FBRSL1: variants seen among roughly 807,000 people sequenced by gnomAD.
FBRSL1 encodes fibrosin like 1.
FBRSL1 carries 51 observed loss-of-function variants against 89.6 expected under a neutral mutation model. The ratio of observed to expected loss-of-function variants is 0.57; its 90% CI spans 0.45 to 0.72. The LOEUF is 0.72. Among genes scored for constraint, FBRSL1 ranks in the 30% least tolerant of loss-of-function variants. The pLI, the probability that FBRSL1 is intolerant of heterozygous loss-of-function variation, is 0.00. For synonymous variants in FBRSL1, 779 were observed against 681.1 expected (o/e 1.14, Z -2.24); for missense variants, 1,618 against 1,451.8 (o/e 1.11, Z -1.86).
At chr12:132,500,409 C>T (rs1463835322) in intron 1 of FBRSL1, among the ~76,000 whole-genome samples, 1 of 152,156 alleles carries the variant, frequency 6.6e-6, no homozygotes, top group African/African-American at 2.4e-5. Context: ...AGGATCAGAA[C>T]TCAGGCAAGG....
In FBRSL1 at chr12:132,512,550, G is replaced by A. The variant is rs377493973; in HGVS notation, c.489+4200G>A. Reference sequence around the variant, plus strand: ...AGAGGGGCTGAAGTTGCCTTCAGACGTCCCTGTTGTCAGGCGTGGGGAACA... The same window carrying A: ...AGAGGGGCTGAAGTTGCCTTCAGACATCCCTGTTGTCAGGCGTGGGGAACA... On this transcript the variant is annotated intron_variant, in intron 2 of 18. Transcript: ENST00000680143. Among the ~76,000 whole-genome samples the A allele has an allele frequency of 5.3e-5, 8 of 152,356 alleles. No homozygotes were observed. In the East Asian group the frequency reaches 1.3e-3, roughly 26 times the overall value.
intron 2 of FBRSL1, chr12:132,511,890 G>A (rs912706166): frequency 1.5e-5 from 15 of 969,762 alleles, no homozygotes; most frequent in Non-Finnish European, 1.7e-5. Flanking sequence ...CATCCCAGAA[G>A]CGCAGGGCTT....
chr12:132,568,466 C>T (rs1173093559), intron 6 of FBRSL1, among the ~76,000 whole-genome samples: 1 of 152,380 alleles, frequency 6.6e-6, no homozygotes, highest in South Asian at 2.1e-4. Context: ...GGACGGGCCC[C>T]GGTAGGAGAG....
chr12:132,563,591 T>A (rs991197450), intron 5 of FBRSL1, among the ~76,000 whole-genome samples: 6 of 152,168 alleles, frequency 3.9e-5, no homozygotes, highest in African/African-American at 1.4e-4. Context: ...GTGTCACATC[T>A]TTTTGTTGGT....
chr12:132,541,615 G>A (rs1325176625), intron 4 of FBRSL1, among the ~76,000 whole-genome samples: 1 of 152,246 alleles, frequency 6.6e-6, no homozygotes, highest in African/African-American at 2.4e-5. Flanking sequence ...GAAAGGGGCT[G>A]AGAGTGACCT....
chr12:132,502,040 T>C (rs922134556), intron 1 of FBRSL1, among the ~76,000 whole-genome samples: 1 of 152,236 alleles, frequency 6.6e-6, no homozygotes, highest in Admixed American at 6.5e-5. Flanking sequence ...AGAGAGTGCA[T>C]GGACGGGACA....
chr12:132,528,338 C>T (rs531337945), intron 4 of FBRSL1, among the ~76,000 whole-genome samples: 5 of 152,120 alleles, frequency 3.3e-5, no homozygotes, highest in Admixed American at 6.5e-5. Context: ...CCGGGATCCG[C>T]GGGGCCAAGG....
At chr12:132,567,457 CT>C (rs1442249604) in intron 5 of FBRSL1, 23 bp from the exon 6 acceptor site, 3 of 1,550,912 alleles carry the variant, frequency 1.9e-6, no homozygotes, top group Admixed American at 2.0e-5. Context: ...CTGACTGCCC[CT>C]GACCCCCCTT....
chr12:132,501,355 C>T (rs1402951553), intron 1 of FBRSL1, among the ~76,000 whole-genome samples: 1 of 152,152 alleles, frequency 6.6e-6, no homozygotes, highest in African/African-American at 2.4e-5. Flanking sequence ...ACCTGGCTAG[C>T]GTGGGCCCGG....
At chr12:132,496,944 C>G (rs1277938492) in intron 1 of FBRSL1, among the ~76,000 whole-genome samples, 1 of 152,318 alleles carries the variant, frequency 6.6e-6, no homozygotes, top group East Asian at 1.9e-4. Context: ...TTCCCAGGCC[C>G]TGCGGTGTCC....
chr12:132,532,594 C>T (rs911294472), intron 4 of FBRSL1, among the ~76,000 whole-genome samples: 11 of 152,360 alleles, frequency 7.2e-5, no homozygotes, highest in Admixed American at 7.2e-4. Context: ...CCTTGCCTCC[C>T]CTCCAGCCCA....
At chr12:132,540,903 A>C (rs10870464) in intron 4 of FBRSL1, among the ~76,000 whole-genome samples, 115,222 of 152,166 alleles carry the variant, frequency 0.76, 44,311 homozygotes, top group African/African-American at 0.91. Flanking sequence ...GAAGAAAGTT[A>C]TTTCCCTCTG....
intron 2 of FBRSL1, 57 bp from the exon 3 acceptor site, chr12:132,525,677 C>A: frequency 6.9e-7 from 1 of 1,441,978 alleles, no homozygotes; most frequent in Non-Finnish European, 9.5e-7. Flanking sequence ...CAGGGGGCCC[C>A]GATGCGGACG....
At chr12:132,512,323 C>T (rs373557238) in intron 2 of FBRSL1, among the ~76,000 whole-genome samples, 3 of 152,220 alleles carry the variant, frequency 2.0e-5, no homozygotes, top group East Asian at 3.8e-4. Context: ...CCTGGGCACG[C>T]GTGAGGGAGC....
At chr12:132,575,197 C>T (rs1326183085) in intron 14 of FBRSL1, among the ~76,000 whole-genome samples, 1 of 152,212 alleles carries the variant, frequency 6.6e-6, no homozygotes, top group Non-Finnish European at 1.5e-5. Context: ...CCTAAATGCC[C>T]TTTGGGACGG....
chr12:132,516,530 T>G (rs2034858854), intron 2 of FBRSL1, among the ~76,000 whole-genome samples: 1 of 152,190 alleles, frequency 6.6e-6, no homozygotes, highest in Non-Finnish European at 1.5e-5. Context: ...TTTCTGGATG[T>G]CCACGTTTTC....
At chr12:132,571,590 A>C in intron 9 of FBRSL1, 2 of 1,118,112 alleles carry the variant, frequency 1.8e-6, no homozygotes, top group South Asian at 4.6e-5. Context: ...CAGCAGGCAC[A>C]CACAGACACA....
At chr12:132,572,376 G>T (rs751223378) in intron 10 of FBRSL1, 32 bp downstream of exon 10, 2 of 1,549,208 alleles carry the variant, frequency 1.3e-6, no homozygotes, top group Non-Finnish European at 1.7e-6. Flanking sequence ...GGCGCGTGTC[G>T]CTGTGCACGC....
intron 6 of FBRSL1, among the ~76,000 whole-genome samples, chr12:132,569,133 C>T (rs771259934): frequency 1.2e-4 from 18 of 151,018 alleles, no homozygotes; most frequent in Non-Finnish European, 2.2e-4. Flanking sequence ...ACCACATGGA[C>T]GCTGCCCTCT....
Sources: gnomAD v4.1 joint callset for allele counts (sites outside exome capture counted in the v4.1 genomes callset) on GRCh38, gnomAD v4.1.1 for gene constraint, MANE v1.5 for transcripts, NCBI Gene and HGNC (gene_info 2026-07-23, HGNC 2026-07-21) for gene names.